Variants in CADPS2 observed in about 807,000 individuals in gnomAD.
CADPS2 encodes calcium-dependent secretion activator 2.
Under a neutral mutation model 172.5 loss-of-function variants are expected in CADPS2, and 93 were observed. The observed-to-expected ratio is 0.54, with a 90% CI of 0.46 to 0.64. The LOEUF is 0.64. CADPS2 is among the 30% of genes least tolerant of loss of function. The pLI is 0.00. For synonymous variants in CADPS2, 546 were observed against 555.2 expected (o/e 0.98, Z 0.23); for missense variants, 1,420 against 1,565.9 (o/e 0.91, Z 1.57).
intron 15 of CADPS2, among the ~76,000 whole-genome samples, chr7:122,443,400 G>A (rs2051637738): frequency 6.6e-6 from 1 of 152,094 alleles, no homozygotes; most frequent in Non-Finnish European, 1.5e-5. Flanking sequence ...CACTCTGGCA[G>A]CTCTATAACA....
At chr7:122,436,619 A>G (rs1387157456) in intron 17 of CADPS2, among the ~76,000 whole-genome samples, 2 of 152,076 alleles carry the variant, frequency 1.3e-5, no homozygotes, top group Non-Finnish European at 2.9e-5. Flanking sequence ...TATTTTTTAA[A>G]GAAGACTGCT....
At chr7:122,836,781 G>A (rs1808592010) in intron 1 of CADPS2, among the ~76,000 whole-genome samples, 2 of 152,214 alleles carry the variant, frequency 1.3e-5, no homozygotes, top group South Asian at 4.1e-4. Context: ...CATAAAGCAA[G>A]GCCTTAGAGA....
At chr7:122,636,740 T>C (rs1301547288) in intron 3 of CADPS2, among the ~76,000 whole-genome samples, 2 of 152,166 alleles carry the variant, frequency 1.3e-5, no homozygotes, top group Non-Finnish European at 2.9e-5. Context: ...TGCATGGGAT[T>C]ACAGGTGTAA....
intron 19 of CADPS2, among the ~76,000 whole-genome samples, chr7:122,408,979 G>C (rs1474904282): frequency 6.6e-6 from 1 of 152,214 alleles, no homozygotes; most frequent in Non-Finnish European, 1.5e-5. Flanking sequence ...ATAGATTTGA[G>C]AGTTGGGGAC....
At chr7:122,541,847 TCA>T (rs1563649066) in intron 8 of CADPS2, among the ~76,000 whole-genome samples, 9 of 127,912 alleles carry the variant, frequency 7.0e-5, no homozygotes, top group Admixed American at 5.7e-4. Flanking sequence ...GTTTATATAT[TCA>T]TATATATTTA....
rs1159240788 is a variant in CADPS2, at chr7:122,327,917, A to AAAAAAATTATTCTATCAAATAAG, written c.3613-2359_3613-2337dup. ...TGTTCTATCAGCAAAAGCTTCTAAG[A>AAAAAAATTATTCTATCAAATAAG]AAAAAATTATTCTATCAAATAAGAA... On this transcript the variant is annotated intron_variant, in intron 28 of 29. Coordinates refer to ENST00000449022, the MANE Select transcript of CADPS2 (RefSeq NM_017954.11). Among the ~76,000 whole-genome samples the AAAAAAATTATTCTATCAAATAAG allele has an allele frequency of 1.1e-3, 163 of 152,216 alleles. 1 individual carries two copies. Among genetic ancestry groups the AAAAAAATTATTCTATCAAATAAG allele is most frequent in the Admixed American group, 2.5e-3 (38 of 15,286 alleles).
intron 25 of CADPS2, among the ~76,000 whole-genome samples, chr7:122,363,805 G>A (rs1390721556): frequency 6.6e-6 from 1 of 152,146 alleles, no homozygotes; most frequent in Non-Finnish European, 1.5e-5. Context: ...CTAAAAACCT[G>A]AATACATTAA....
At chr7:122,670,864 T>C (rs952036843) in intron 2 of CADPS2, among the ~76,000 whole-genome samples, 4 of 125,732 alleles carry the variant, frequency 3.2e-5, no homozygotes, top group Non-Finnish European at 5.4e-5. Context: ...AGTGAAACCC[T>C]GTTTCAAAAA....
At chr7:122,502,754 C>T (rs973061418) in intron 9 of CADPS2, among the ~76,000 whole-genome samples, 3 of 151,966 alleles carry the variant, frequency 2.0e-5, no homozygotes, top group Non-Finnish European at 4.4e-5. Context: ...TATTCTAATT[C>T]TTCTACATCT....
intron 1 of CADPS2, among the ~76,000 whole-genome samples, chr7:122,767,612 C>A (rs1452095792): frequency 6.6e-6 from 1 of 152,122 alleles, no homozygotes; most frequent in Non-Finnish European, 1.5e-5. Flanking sequence ...TCAGCTGGCA[C>A]ACCCTTTGTG....
At chr7:122,518,699 GT>G (rs200940863) in intron 8 of CADPS2, among the ~76,000 whole-genome samples, 6 of 151,222 alleles carry the variant, frequency 4.0e-5, no homozygotes, top group Admixed American at 2.0e-4. Flanking sequence ...ACTCAAAGAA[GT>G]TTTTTTTTAA....
chr7:122,513,458 T>C, intron 8 of CADPS2, 143 bp from the exon 9 acceptor site: 1 of 629,020 alleles, frequency 1.6e-6, no homozygotes, highest in Non-Finnish European at 2.8e-6. Flanking sequence ...TGAGACAACC[T>C]GCAGCTTCTG....
At chr7:122,832,678 G>A (rs1366997962) in intron 1 of CADPS2, among the ~76,000 whole-genome samples, 1 of 152,186 alleles carries the variant, frequency 6.6e-6, no homozygotes, top group Admixed American at 6.5e-5. Flanking sequence ...ATGTTAAACT[G>A]AGCAGATGTT....
At chr7:122,392,149 C>T (rs1353774270) in intron 22 of CADPS2, among the ~76,000 whole-genome samples, 1 of 152,104 alleles carries the variant, frequency 6.6e-6, no homozygotes, top group Non-Finnish European at 1.5e-5. Context: ...AGATCTTGGG[C>T]AAAGCAGGTA....
In CADPS2 at chr7:122,716,841, G is replaced by A. The variant is rs544953471; in HGVS notation, c.453+20114C>T. Among the ~76,000 whole-genome samples, 258 of 152,186 alleles carry A rather than the reference G, an allele frequency of 1.7e-3. 3 individuals carry two copies. Among genetic ancestry groups the A allele is most frequent in the African/African-American group, 5.9e-3 (247 of 41,546 alleles). The stretch of plus-strand genomic sequence containing the variant: ...TCTTGGGAGGGGTGGGGAATGGAGG[G>A]AGGCCCAGAAAGGGAAACACTGATT... On this transcript the variant is annotated intron_variant, in intron 2 of 29. Coordinates refer to ENST00000449022, the MANE Select transcript of CADPS2 (RefSeq NM_017954.11).
chr7:122,441,833 A>G (rs1189414808), intron 15 of CADPS2, among the ~76,000 whole-genome samples: 1 of 152,242 alleles, frequency 6.6e-6, no homozygotes, highest in Non-Finnish European at 1.5e-5. Flanking sequence ...AAAAGAATAC[A>G]GTAAATAAAA....
chr7:122,637,171 CTTTTTTTTTT>C lies in CADPS2; in HGVS notation c.787-7853_787-7844del, dbSNP rs71161313. Among the ~76,000 whole-genome samples the C allele has an allele frequency of 8.7e-4, 47 of 53,892 alleles. No individual in the cohort carries two copies. In the East Asian group the frequency reaches 0.019, roughly 22 times the overall value. 35.4% of individuals were successfully genotyped at this position (53,892 alleles called of 152,430 possible). A position where few individuals can be genotyped will look rare whatever the true frequency, so the allele number is the denominator to read the frequency against. Reference sequence around the variant, plus strand: ...CTTCTGACTGCATTATGAAATTTTGCTTTTTTTTTTTTTTTTTTTTTTTTTTTTTTTTTTT... The same window carrying C: ...CTTCTGACTGCATTATGAAATTTTGCTTTTTTTTTTTTTTTTTTTTTTTTT... On this transcript the variant is annotated intron_variant, in intron 3 of 29. Transcript: ENST00000449022.
In CADPS2 at chr7:122,586,157, C is replaced by T. The variant is rs184186160; in HGVS notation, c.1224-4867G>A. 7.3e-3 allele frequency among the ~76,000 whole-genome samples: 1,113 copies of T among 152,002 alleles called. 5 individuals carry two copies. The highest frequency in any genetic ancestry group is 0.013 in the Non-Finnish European group (852 of 67,904). On this transcript the variant is annotated intron_variant, in intron 6 of 29. Coordinates refer to ENST00000449022, the MANE Select transcript of CADPS2 (RefSeq NM_017954.11). ...TATAAAGTGAAAAAGAGGGAGGATA[C>T]AAAACTGAACGTGCACATTTTATTC... is the stretch of plus-strand genomic sequence containing the variant.
intron 1 of CADPS2, among the ~76,000 whole-genome samples, chr7:122,860,732 T>G (rs761035682): frequency 3.9e-5 from 6 of 152,168 alleles, no homozygotes; most frequent in Admixed American, 3.9e-4. Context: ...TCTAAACCCC[T>G]GTACCCAATA....
Sources: allele counts gnomAD v4.1 joint callset (sites outside exome capture counted in the v4.1 genomes callset), GRCh38; gene constraint gnomAD v4.1.1; transcripts MANE v1.5; gene names NCBI Gene and HGNC (gene_info 2026-07-23, HGNC 2026-07-21).